The following IYD variants were observed in gnomAD, a reference collection of about 807,000 sequenced individuals.
IYD encodes iodotyrosine deiodinase.
Under a neutral mutation model 28.4 loss-of-function variants are expected in IYD, and 25 were observed. The observed-to-expected ratio is 0.88, with a 90% CI of 0.64 to 1.23. The LOEUF (loss-of-function observed/expected upper bound fraction) is 1.23, where lower values mean the gene tolerates loss of function less well. Ranked by LOEUF, IYD falls within the 50% of genes most tolerant of loss-of-function variation. IYD has a pLI of 0.00. For synonymous variants in IYD, 140 were observed against 130.8 expected (o/e 1.07, Z -0.48); for missense variants, 352 against 357.9 (o/e 0.98, Z 0.13).
chr6:150,383,856 A>C (rs1300478926), intron 1 of IYD, among the ~76,000 whole-genome samples: 1 of 151,352 alleles, frequency 6.6e-6, no homozygotes, highest in Non-Finnish European at 1.5e-5. Context: ...ACCTCCTCCC[A>C]AAAAAAACCC....
intron 1 of IYD, among the ~76,000 whole-genome samples, chr6:150,377,279 G>T (rs565676863): frequency 3.8e-4 from 58 of 152,320 alleles, no homozygotes; most frequent in Middle Eastern, 3.4e-3. Flanking sequence ...CTGCTCTAGA[G>T]TGAAGGCAGG....
At chr6:150,388,197 C>T (rs890961552) in intron 1 of IYD, among the ~76,000 whole-genome samples, 1 of 152,092 alleles carries the variant, frequency 6.6e-6, no homozygotes, top group African/African-American at 2.4e-5. Flanking sequence ...TGATATAAAC[C>T]GTTGAGGAAT....
At chr6:150,389,227 C>T in intron 1 of IYD, 125 bp from the exon 2 acceptor site, 18 of 698,248 alleles carry the variant, frequency 2.6e-5, no homozygotes, top group Middle Eastern at 3.9e-4. Flanking sequence ...ATTCTTTTTT[C>T]ATTTTATAGT....
chr6:150,370,342 AGT>A (rs1388923083), intron 1 of IYD: 28 of 216,778 alleles, frequency 1.3e-4, no homozygotes, highest in African/African-American at 5.9e-4. Flanking sequence ...TGTGCGTGTG[AGT>A]GTGCACGTGT....
At chr6:150,369,853 A>G in intron 1 of IYD, 1 of 646,148 alleles carries the variant, frequency 1.5e-6, no homozygotes, top group East Asian at 2.7e-5. Flanking sequence ...CCTGTCAGGC[A>G]ACAAGGAGCC....
intron 1 of IYD, chr6:150,370,551 C>G: frequency 1.0e-6 from 1 of 985,412 alleles, no homozygotes; most frequent in Middle Eastern, 5.2e-4. Flanking sequence ...AGTCTAGCCT[C>G]TCAGCAGGGC....
chr6:150,386,089 A>G (rs1425856908), intron 1 of IYD, among the ~76,000 whole-genome samples: 4 of 151,750 alleles, frequency 2.6e-5, no homozygotes, highest in African/African-American at 4.8e-5. Context: ...GTTTCTCCCT[A>G]TTGCATGTTT....
intron 1 of IYD, among the ~76,000 whole-genome samples, chr6:150,377,279 G>A: frequency 6.6e-6 from 1 of 152,202 alleles, no homozygotes; most frequent in East Asian, 1.9e-4. Flanking sequence ...CTGCTCTAGA[G>A]TGAAGGCAGG....
intron 1 of IYD, among the ~76,000 whole-genome samples, chr6:150,381,953 T>A (rs2115032019): frequency 6.6e-6 from 1 of 152,344 alleles, no homozygotes; most frequent in Non-Finnish European, 1.5e-5. Context: ...TTAATACTAG[T>A]CTTGTACATA....
intron 1 of IYD, among the ~76,000 whole-genome samples, chr6:150,371,478 C>G (rs1562308213): frequency 6.6e-6 from 1 of 151,782 alleles, no homozygotes; most frequent in Non-Finnish European, 1.5e-5. Context: ...GGAAAGGCCA[C>G]TGGATTTGAA....
chr6:150,394,001 G>C (rs1582799108), intron 3 of IYD, 98 bp from the exon 4 acceptor site: 1 of 1,232,860 alleles, frequency 8.1e-7, no homozygotes, highest in Non-Finnish European at 1.2e-6. Context: ...TAAAAGATGA[G>C]TAAATATGTT....
rs577837600 is a variant in IYD at position 150,404,383 on chromosome 6, A to G, written c.*6146A>G. The G allele has an allele frequency of 8.5e-5, 13 of 152,222 alleles. No homozygotes were observed. The highest frequency in any genetic ancestry group is 1.6e-4 in the Non-Finnish European group (11 of 68,044). The allele number at this position is 152,222 out of a possible 1,614,324, so 9.4% of individuals were successfully genotyped here. Reference sequence around the variant, plus strand: ...ATGTGAAATTGATTTTACGTTTGTGATTTGAAGTTGAAAGGTATAAGAATA... The same window carrying G: ...ATGTGAAATTGATTTTACGTTTGTGGTTTGAAGTTGAAAGGTATAAGAATA... On this transcript the variant is annotated 3_prime_UTR_variant, in exon 5 of 5. Transcript: ENST00000344419.
At chr6:150,388,261 T>C (rs1383392592) in intron 1 of IYD, among the ~76,000 whole-genome samples, 1 of 152,232 alleles carries the variant, frequency 6.6e-6, no homozygotes, top group East Asian at 1.9e-4. Flanking sequence ...GGTCCTAGCT[T>C]ATTAGACTTC....
At chr6:150,390,603 C>T (rs1778078267) in intron 2 of IYD, among the ~76,000 whole-genome samples, 1 of 152,174 alleles carries the variant, frequency 6.6e-6, no homozygotes, top group South Asian at 2.1e-4. Flanking sequence ...CACCAAGAGT[C>T]TGCAGCCCTT....
intron 1 of IYD, among the ~76,000 whole-genome samples, chr6:150,378,334 C>T (rs1308189024): frequency 6.6e-6 from 1 of 151,018 alleles, no homozygotes. Context: ...CCCCGCTCCC[C>T]CCACCCCACA....
At chr6:150,370,299 G>A (rs897856637) in intron 1 of IYD, among the ~76,000 whole-genome samples, 2 of 151,876 alleles carry the variant, frequency 1.3e-5, no homozygotes, top group African/African-American at 4.8e-5. Flanking sequence ...GTGTGAGTGT[G>A]TGTGCATGAG....
At chr6:150,380,292 A>C (rs909676849) in intron 1 of IYD, among the ~76,000 whole-genome samples, 17 of 152,088 alleles carry the variant, frequency 1.1e-4, no homozygotes, top group African/African-American at 4.1e-4. Context: ...CCACTGTACC[A>C]CCATTCTCTC....
chr6:150,374,641 C>T (rs1171038256), intron 1 of IYD, among the ~76,000 whole-genome samples: 1 of 152,154 alleles, frequency 6.6e-6, no homozygotes, highest in South Asian at 2.1e-4. Context: ...GGGGAAACTG[C>T]CCCCATGATT....
chr6:150,379,859 A>G (rs1179433800), intron 1 of IYD, among the ~76,000 whole-genome samples: 1 of 152,028 alleles, frequency 6.6e-6, no homozygotes. Context: ...TACACCTCCC[A>G]TCTCCTCTTC....
Sources: gnomAD v4.1 joint callset for allele counts (sites outside exome capture counted in the v4.1 genomes callset) on GRCh38, gnomAD v4.1.1 for gene constraint, MANE v1.5 for transcripts, NCBI Gene and HGNC (gene_info 2026-07-23, HGNC 2026-07-21) for gene names.